Variants in RELN observed in about 807,000 individuals in gnomAD.
RELN encodes reelin.
A neutral mutation model predicts 427.6 loss-of-function variants in RELN; 108 were observed. The ratio of observed to expected loss-of-function variants is 0.25; its 90% CI spans 0.22 to 0.30. The LOEUF is 0.30. Ranked by LOEUF, RELN falls within the 10% of genes least tolerant of loss-of-function variation. The probability of loss-of-function intolerance (pLI) is 1.00; values close to 1 mark genes in which losing one functional copy is unlikely to be tolerated. For synonymous variants in RELN, 1,524 were observed against 1,513.4 expected, an observed-to-expected ratio of 1.01 and a Z score of -0.16; for missense variants, 3,715 against 4,302.8, an observed-to-expected ratio of 0.86 and a Z score of 3.82.
At chr7:103,501,491 C>T (rs1055155582) in intron 52 of RELN, among the ~76,000 whole-genome samples, 3 of 152,096 alleles carry the variant, frequency 2.0e-5, no homozygotes, top group African/African-American at 7.2e-5. Flanking sequence ...CATCTTTGTT[C>T]TTCTCTGTCT....
In RELN at chr7:103,522,059, C is replaced by T. The variant is rs1829720799; in HGVS notation, c.7631G>A (p.Gly2544Glu). The T allele has an allele frequency of 6.2e-7, 1 of 1,614,010 alleles. No homozygotes were observed. Among genetic ancestry groups the T allele is most frequent in the Non-Finnish European group, 8.5e-7 (1 of 1,180,024 alleles). Residue 2544 changes from glycine (G) to glutamate (E), a missense_variant, in exon 48 of 65, where the codon GGA (glycine) becomes GAA (glutamate). By Grantham distance (98) the Gly-to-Glu change is moderately conservative. This residue lies in a region of RELN where 1,310 missense variants were observed against 1,643.0 expected (regional missense o/e 0.80). Transcript: ENST00000428762. ...GAGAGCCATTCCCGACGCCACGGCT[C>T]CACACACTGTACTCAATTTCCCTCC... ...VNGGKLSTVC[G>E]AVASGMALHF...
Position 103,654,125 on chromosome 7 carries a change from T to C in RELN, c.1522A>G (p.Thr508Ala), listed in dbSNP as rs1832978226. ...GAGGAATAGGAAAGGGTATCCAGTG[T>C]TATATGCTCTTTTCTTCCTTCAATT... ...AKIEGRKEHI[T>A]LDTLSYSSYK... The change falls in exon 13 of 65, where the codon ACA (threonine) becomes GCA (alanine). Residue 508 changes from threonine to alanine, a missense_variant. By Grantham distance (58) the Thr-to-Ala change is moderately conservative. Around this residue, in one of 4 missense-constraint regions of RELN, gnomAD observed 2,208 missense variants for 2,361.7 expected, o/e 0.93. Transcript: ENST00000428762. The C allele has an allele frequency of 6.2e-7, 1 of 1,601,612 alleles. No homozygotes were observed. Among genetic ancestry groups the C allele is most frequent in the Non-Finnish European group, 8.6e-7 (1 of 1,169,214 alleles).
intron 2 of RELN, among the ~76,000 whole-genome samples, chr7:103,838,208 CAAAAAAAAAAAAAA>C (rs58553259): frequency 1.2e-5 from 1 of 81,082 alleles, no homozygotes; most frequent in Non-Finnish European, 2.2e-5. Context: ...GACTTCGTCT[CAAAAAAAAAAAAAA>C]AAAAAAAAAA....
In RELN at chr7:103,620,617, A is replaced by G. The variant is rs1026130001; in HGVS notation, c.2703-8814T>C. 9.2e-5 allele frequency among the ~76,000 whole-genome samples: 14 copies of G among 151,590 alleles called. No individual in the cohort carries two copies. Among genetic ancestry groups the G allele is most frequent in the Non-Finnish European group, 2.9e-5 (2 of 67,826 alleles). ...GCCTCCCAAGTAGCTGGGATTACAG[A>G]TGTGCACCACTACACCCAGCTAATT... On this transcript the variant is annotated intron_variant, in intron 20 of 64. Transcript: ENST00000428762. This position sits in a 1 kb window ranked among gnomAD's most constrained non-coding sequence, Gnocchi z 4.1.
chr7:103,885,156 G>A (rs1377227254), intron 2 of RELN, among the ~76,000 whole-genome samples: 1 of 151,974 alleles, frequency 6.6e-6, no homozygotes, highest in Admixed American at 6.6e-5. Context: ...TGGCTAACAC[G>A]GTGAAACCCC....
intron 1 of RELN, among the ~76,000 whole-genome samples, chr7:103,925,149 A>G (rs1795704594): frequency 6.6e-6 from 1 of 152,140 alleles, no homozygotes; most frequent in Admixed American, 6.6e-5. Flanking sequence ...ACTACCTGGA[A>G]TGAGGTCCTG....
intron 50 of RELN, chr7:103,513,076 C>T (rs1829468135): frequency 6.6e-6 from 1 of 152,186 alleles, no homozygotes; most frequent in Admixed American, 6.5e-5. Flanking sequence ...AGATACAGGA[C>T]TCAAGAGTCA....
At chr7:103,941,846 A>G (rs1049555292) in intron 1 of RELN, among the ~76,000 whole-genome samples, 1 of 152,102 alleles carries the variant, frequency 6.6e-6, no homozygotes, top group Non-Finnish European at 1.5e-5. Flanking sequence ...GATCCGCAGA[A>G]CACTAGACCA....
chr7:103,838,232 A>G (rs964140409), intron 2 of RELN, among the ~76,000 whole-genome samples: 4 of 149,288 alleles, frequency 2.7e-5, no homozygotes, highest in Non-Finnish European at 4.5e-5. Context: ...AAAAAAAAAA[A>G]AAGAAGTAAT....
At chr7:103,591,532 G>A (rs1392654728) in intron 27 of RELN, among the ~76,000 whole-genome samples, 1 of 152,104 alleles carries the variant, frequency 6.6e-6, no homozygotes, top group East Asian at 1.9e-4. Context: ...AGTTTATATA[G>A]TAAAACATCA....
chr7:103,544,008 A>C (rs77880564), intron 42 of RELN, among the ~76,000 whole-genome samples: 9,411 of 152,210 alleles, frequency 0.062, 459 homozygotes, highest in East Asian at 0.19. Context: ...TCATAAAGAC[A>C]GATTGACATA....
At chr7:103,742,165 T>C (rs1007659554) in intron 6 of RELN, among the ~76,000 whole-genome samples, 4 of 152,186 alleles carry the variant, frequency 2.6e-5, no homozygotes, top group African/African-American at 9.6e-5. Context: ...GGGTCTGGAG[T>C]GGACGTCTAG....
chr7:103,785,171 G>T (rs1791985979), intron 3 of RELN, among the ~76,000 whole-genome samples: 1 of 151,994 alleles, frequency 6.6e-6, no homozygotes. Context: ...CTGTATTCTG[G>T]AAATGCCTTC....
At chr7:103,487,977 C>T (rs1584219595) in intron 60 of RELN, among the ~76,000 whole-genome samples, 1 of 152,116 alleles carries the variant, frequency 6.6e-6, no homozygotes, top group Middle Eastern at 3.4e-3. Flanking sequence ...AACCCCATCT[C>T]TACTAAAAAT....
At chr7:103,943,806 CCACTG>C (rs1315904642) in intron 1 of RELN, among the ~76,000 whole-genome samples, 1 of 136,880 alleles carries the variant, frequency 7.3e-6, no homozygotes, top group Non-Finnish European at 1.5e-5. Context: ...TGAGATTATG[CCACTG>C]CACTCCAGCT....
intron 20 of RELN, chr7:103,627,907 ACTG>A (rs1253073299): frequency 5.9e-5 from 9 of 152,232 alleles, no homozygotes; most frequent in Non-Finnish European, 1.0e-4. Flanking sequence ...CAGAAATTAA[ACTG>A]CTGTTATCAT....
At chr7:103,514,318 A>G (rs1829504241) in intron 50 of RELN, among the ~76,000 whole-genome samples, 1 of 152,204 alleles carries the variant, frequency 6.6e-6, no homozygotes, top group Admixed American at 6.5e-5. Context: ...CACTTTTTAT[A>G]AAGATGACCA....
intron 59 of RELN, among the ~76,000 whole-genome samples, 161 bp downstream of exon 59, chr7:103,490,507 A>G (rs1015472484): frequency 1.3e-5 from 2 of 152,206 alleles, no homozygotes; most frequent in Admixed American, 6.5e-5. Context: ...ATTTGGGGGC[A>G]TGGGTTGGTG....
In RELN at chr7:103,904,975, C is replaced by CTCTTTTTTT. The variant is rs1454120263; in HGVS notation, c.337+12099_337+12100insAAAAAAAGA. On this transcript the variant is annotated intron_variant, in intron 2 of 64. Coordinates refer to ENST00000428762, the MANE Select transcript of RELN (RefSeq NM_005045.4). ...ACTGCCAATCCCTTGAAGTTCTTTC[C>CTCTTTTTTT]TTTTTTTTTTTTTTTTTTTTTTTTT... Among the ~76,000 whole-genome samples, 6 of 77,328 alleles carry CTCTTTTTTT rather than the reference C, an allele frequency of 7.8e-5. No individual in the cohort carries two copies. In the East Asian group the frequency reaches 2.7e-3, roughly 35 times the overall value. The allele number at this position is 77,328 out of a possible 152,430, so 50.7% of individuals were successfully genotyped here.
Sources: gnomAD v4.1 joint callset for allele counts (sites outside exome capture counted in the v4.1 genomes callset) on GRCh38, gnomAD v4.1.1 for gene constraint, gnomAD v4.1.1 regional missense constraint, Gnocchi (gnomAD v3.1) non-coding constraint, MANE v1.5 for transcripts, NCBI Gene and HGNC (gene_info 2026-07-23, HGNC 2026-07-21) for gene names.